Variants in ISM1 observed in about 807,000 individuals in gnomAD.
ISM1 encodes the protein isthmin-1.
A neutral mutation model predicts 46.3 loss-of-function variants in ISM1; 25 were observed. The ratio of observed to expected loss-of-function variants is 0.54; its 90% confidence interval spans 0.39 to 0.75. ISM1 has a LOEUF of 0.75. ISM1 is among the 30% of genes least tolerant of loss of function. The probability of loss-of-function intolerance (pLI) is 0.00; values close to 1 mark genes in which losing one functional copy is unlikely to be tolerated. For synonymous variants in ISM1, 255 were observed against 256.7 expected (o/e 0.99, Z 0.06); for missense variants, 536 against 625.4 (o/e 0.86, Z 1.52).
rs184054451 is a variant in ISM1, at chr20:13,265,329, G to T, written c.139-5175G>T. On this transcript the variant is annotated intron_variant, in intron 1 of 5. Transcript: ENST00000262487. ...CTTTCTTTCTTTTTAATACCAATTT[G>T]CAAAGGAAGGAGTTTTATAATACCT... Among the ~76,000 whole-genome samples the T allele has an allele frequency of 1.2e-4, 18 of 152,210 alleles. No individual in the cohort carries two copies. The East Asian group carries it at 3.5e-3, about 29-fold the overall frequency.
At chr20:13,294,309 TC>T (rs1227542415) in intron 5 of ISM1, among the ~76,000 whole-genome samples, 2 of 152,132 alleles carry the variant, frequency 1.3e-5, no homozygotes, top group Non-Finnish European at 2.9e-5. Context: ...ATCCCTCCAA[TC>T]CCTTCACACA....
the ISM1 span, among the ~76,000 whole-genome samples, chr20:13,314,504 C>A: frequency 6.6e-6 from 1 of 151,196 alleles, no homozygotes; most frequent in East Asian, 1.9e-4. Context: ...GAAAAAAAAC[C>A]ACCTAGATCC....
the ISM1 span, among the ~76,000 whole-genome samples, chr20:13,318,484 C>T: frequency 5.9e-5 from 9 of 152,156 alleles, no homozygotes; most frequent in Admixed American, 2.6e-4. Flanking sequence ...TTGGTATTTA[C>T]CCAAAAAACT....
At chr20:13,232,532 C>T (rs1055620326) in intron 1 of ISM1, among the ~76,000 whole-genome samples, 2 of 152,190 alleles carry the variant, frequency 1.3e-5, no homozygotes, top group Non-Finnish European at 2.9e-5. Context: ...CATATGTTTA[C>T]CCATTGACCC....
intron 1 of ISM1, among the ~76,000 whole-genome samples, chr20:13,269,917 A>G (rs1297966862): frequency 7.3e-6 from 1 of 136,518 alleles, no homozygotes; most frequent in Non-Finnish European, 1.6e-5. Flanking sequence ...GATTGGATGG[A>G]TGGGTGTGTG....
intron 2 of ISM1, among the ~76,000 whole-genome samples, chr20:13,278,865 C>A (rs1295269171): frequency 6.6e-6 from 1 of 152,188 alleles, no homozygotes; most frequent in Non-Finnish European, 1.5e-5. Flanking sequence ...GACCTTGGTT[C>A]TCCTCCATGC....
At chr20:13,233,007 A>G (rs2039606051) in intron 1 of ISM1, among the ~76,000 whole-genome samples, 1 of 150,878 alleles carries the variant, frequency 6.6e-6, no homozygotes, top group South Asian at 2.1e-4. Flanking sequence ...TTGTGAAAAG[A>G]AAATTCGATG....
At chr20:13,256,158 G>A (rs112536901) in intron 1 of ISM1, among the ~76,000 whole-genome samples, 3,271 of 152,138 alleles carry the variant, frequency 0.022, 115 homozygotes, top group African/African-American at 0.075. Context: ...CACTTTGGGA[G>A]GCTGAGGTGG....
chr20:13,252,765 A>C (rs1235265050), intron 1 of ISM1, among the ~76,000 whole-genome samples: 1 of 152,064 alleles, frequency 6.6e-6, no homozygotes, highest in Non-Finnish European at 1.5e-5. Context: ...CAAAAAAAAA[A>C]AGAGGAGCCA....
At chr20:13,313,495 T>C in the ISM1 span, among the ~76,000 whole-genome samples, 1 of 152,192 alleles carries the variant, frequency 6.6e-6, no homozygotes, top group African/African-American at 2.4e-5. Context: ...CCATTTTCTG[T>C]ACAACACTTT....
chr20:13,252,193 C>T (rs1038090712), intron 1 of ISM1, among the ~76,000 whole-genome samples: 8 of 152,136 alleles, frequency 5.3e-5, no homozygotes, highest in Admixed American at 6.5e-5. Flanking sequence ...GGAAGAGCAA[C>T]GAGCAAGTGC....
At chr20:13,307,841 C>T in the ISM1 span, among the ~76,000 whole-genome samples, 1 of 152,188 alleles carries the variant, frequency 6.6e-6, no homozygotes, top group African/African-American at 2.4e-5. Context: ...CATGGAGGAA[C>T]ATTTGGATTG....
chr20:13,306,862 T>C, the ISM1 span, among the ~76,000 whole-genome samples: 1 of 152,174 alleles, frequency 6.6e-6, no homozygotes. Flanking sequence ...AGGTGTCCCA[T>C]GCTGGTGGCT....
At chr20:13,266,582 A>T (rs1159011598) in intron 1 of ISM1, among the ~76,000 whole-genome samples, 1 of 152,194 alleles carries the variant, frequency 6.6e-6, no homozygotes, top group African/African-American at 2.4e-5. Context: ...ATGTTAACTC[A>T]TAGATTGATG....
At chr20:13,240,330 G>C (rs1262349169) in intron 1 of ISM1, among the ~76,000 whole-genome samples, 1 of 152,156 alleles carries the variant, frequency 6.6e-6, no homozygotes, top group Non-Finnish European at 1.5e-5. Flanking sequence ...CAAAAGATAG[G>C]GAATAACTGG....
At chr20:13,226,166 TTC>T (rs1208358144) in intron 1 of ISM1, among the ~76,000 whole-genome samples, 1 of 144,242 alleles carries the variant, frequency 6.9e-6, no homozygotes, top group East Asian at 2.0e-4. Context: ...AATGTCTTTG[TTC>T]TCTGTTTCCT....
chr20:13,268,996 G>A (rs1442052778), intron 1 of ISM1, among the ~76,000 whole-genome samples: 2 of 152,146 alleles, frequency 1.3e-5, no homozygotes, highest in Non-Finnish European at 2.9e-5. Flanking sequence ...ATCTGCTAGT[G>A]TGTTTCAGCC....
At chr20:13,305,682 T>C in the ISM1 span, among the ~76,000 whole-genome samples, 1 of 152,158 alleles carries the variant, frequency 6.6e-6, no homozygotes, top group Non-Finnish European at 1.5e-5. Context: ...CAGCCAGTTG[T>C]TTTTCTGAGG....
rs142172052 is a variant in ISM1 at position 13,280,621 on chromosome 20, T to C, written c.643+723T>C. Among the ~76,000 whole-genome samples, 44 of 152,282 alleles carry C rather than the reference T, an allele frequency of 2.9e-4. 1 individual carries two copies. In the East Asian group the frequency reaches 7.9e-3, roughly 27 times the overall value. On this transcript the variant is annotated intron_variant, in intron 3 of 5. Transcript: ENST00000262487. ...CTGTTAGGGCCTGAGAGTTATCCCC[T>C]GGATATTCTGTGTCCAGCTGGTGTC... is the stretch of plus-strand genomic sequence containing the variant.
Sources: allele counts gnomAD v4.1 joint callset (sites outside exome capture counted in the v4.1 genomes callset), GRCh38; gene constraint gnomAD v4.1.1; transcripts MANE v1.5; gene names NCBI Gene and HGNC (gene_info 2026-07-23, HGNC 2026-07-21).